KANK4: variants seen among roughly 807,000 people sequenced by gnomAD.
The protein encoded by KANK4 is KN motif and ankyrin repeat domains 4.
KANK4 carries 50 observed loss-of-function variants against 80.8 expected under a neutral mutation model. The ratio of observed to expected loss-of-function variants is 0.62; its 90% CI spans 0.49 to 0.78. The LOEUF (loss-of-function observed/expected upper bound fraction) is 0.78. Ranked by LOEUF, KANK4 falls within the 30% of genes least tolerant of loss-of-function variation. The pLI is 0.00. For missense variants in KANK4, 1,196 were observed against 1,240.1 expected (o/e 0.96, Z 0.53); for synonymous variants, 465 against 506.9 (o/e 0.92, Z 1.11).
rs1171760629 is a variant in KANK4 at position 62,274,872 on chromosome 1, T to A, written c.232A>T (p.Ser78Cys). 6.8e-6 allele frequency: 11 copies of A among 1,614,120 alleles called. No individual in the cohort carries two copies. The highest frequency in any genetic ancestry group is 9.3e-6 in the Non-Finnish European group (11 of 1,179,966). The change falls in exon 3 of 10, where the codon AGT becomes TGT. Residue 78 changes from serine (S) to cysteine (C), a missense_variant. Ser to Cys is a moderately radical substitution (Grantham distance 112). Coordinates refer to ENST00000371153, the MANE Select transcript of KANK4 (RefSeq NM_181712.5). ...TLPRNFSLPD[S>C]GARPPAAPPL... ...GGGGCTGCAGGGGGGCGAGCCCCACTGTCAGGAAGGCTGAAGTTTCGGGGC... is the reference window on the plus strand; with the variant it reads ...GGGGCTGCAGGGGGGCGAGCCCCACAGTCAGGAAGGCTGAAGTTTCGGGGC...
intron 1 of KANK4, among the ~76,000 whole-genome samples, chr1:62,284,107 C>T (rs1032140101): frequency 6.6e-6 from 1 of 152,126 alleles, no homozygotes; most frequent in Non-Finnish European, 1.5e-5. Context: ...GTCACCACTT[C>T]CAGCCCCGAC....
intron 9 of KANK4, among the ~76,000 whole-genome samples, chr1:62,240,291 C>A (rs1229921247): frequency 6.6e-6 from 1 of 152,138 alleles, no homozygotes; most frequent in African/African-American, 2.4e-5. Context: ...TTTCATGTGT[C>A]TTTTGGCTGC....
chr1:62,319,314 G>A lies in KANK4; in HGVS notation c.-279C>T, dbSNP rs534425939. ...GGCCGACGGTCTCGGCCCTGGCCCCGGCGCACCCCTGCGGGCACACCCACC... is the reference window on the plus strand; with the variant it reads ...GGCCGACGGTCTCGGCCCTGGCCCCAGCGCACCCCTGCGGGCACACCCACC... On this transcript the variant is annotated 5_prime_UTR_variant, in exon 1 of 10. Transcript: ENST00000371153. 5.9e-5 allele frequency: 9 copies of A among 151,982 alleles called. No homozygotes were observed. In the East Asian group the frequency reaches 1.4e-3, roughly 23 times the overall value. The allele number at this position is 151,982 out of a possible 1,614,324, so 9.4% of individuals were successfully genotyped here.
intron 1 of KANK4, 29 bp from the exon 2 acceptor site, chr1:62,281,663 G>T: frequency 1.5e-6 from 2 of 1,349,442 alleles, no homozygotes; most frequent in Non-Finnish European, 2.1e-6. Context: ...CAGAAGTGGT[G>T]AGTCTCATTA....
intron 2 of KANK4, among the ~76,000 whole-genome samples, chr1:62,275,899 G>A (rs1261471488): frequency 6.9e-6 from 1 of 145,688 alleles, no homozygotes; most frequent in Non-Finnish European, 1.5e-5. Flanking sequence ...GAAGGAAGGG[G>A]AAGGGGAAGG....
intron 1 of KANK4, among the ~76,000 whole-genome samples, chr1:62,313,919 C>G (rs1644518468): frequency 6.6e-6 from 1 of 152,120 alleles, no homozygotes; most frequent in Admixed American, 6.5e-5. Context: ...CCCATTCATA[C>G]TCAACGTCGT....
intron 1 of KANK4, among the ~76,000 whole-genome samples, chr1:62,311,663 T>C (rs1644499345): frequency 1.3e-5 from 2 of 152,212 alleles, no homozygotes; most frequent in African/African-American, 2.4e-5. Flanking sequence ...GGGATCATCA[T>C]TGCGCGCTAG....
chr1:62,249,329 A>G (rs1237736575), intron 8 of KANK4, among the ~76,000 whole-genome samples: 1 of 150,474 alleles, frequency 6.6e-6, no homozygotes, highest in Non-Finnish European at 1.5e-5. Context: ...TGTTATATAC[A>G]CTATATGTGT....
rs758660898 is a variant in KANK4 at position 62,274,843 on chromosome 1, G to C, written c.261C>G (p.Pro87=). 1 of 1,614,148 alleles carries C rather than the reference G, an allele frequency of 6.2e-7. No individual in the cohort carries two copies. Among genetic ancestry groups the C allele is most frequent in the East Asian group, 2.2e-5 (1 of 44,872 alleles). Residue 87 remains proline, a synonymous_variant, in exon 3 of 10, where the codon CCC becomes CCG. Coordinates refer to ENST00000371153, the MANE Select transcript of KANK4 (RefSeq NM_181712.5). ...DSGARPPAAP[P]LQNWSPVVPR... is the part of the protein sequence containing the mutation. The stretch of plus-strand genomic sequence containing the variant: ...GCACCACGGGAGACCAGTTTTGGAG[G>C]GGCGGGGCTGCAGGGGGGCGAGCCC...
Position 62,274,118 on chromosome 1 carries a change from T to A in KANK4, c.986A>T (p.Glu329Val). Residue 329 changes from glutamate (E) to valine (V), a missense_variant, in exon 3 of 10, where the codon GAG (glutamate) becomes GTG (valine). Glu to Val is a moderately radical substitution (Grantham distance 121). Coordinates refer to ENST00000371153, the MANE Select transcript of KANK4 (RefSeq NM_181712.5). ...DMRSIGIRVT[E>V]ESLGLARVDP... ...CACCCTGGCAAGGCCCAGGCTTTCC[T>A]CAGTTACCCTGATGCCAATGCTTCT... The A allele has an allele frequency of 6.2e-7, 1 of 1,614,098 alleles. No individual in the cohort carries two copies. The highest frequency in any genetic ancestry group is 8.5e-7 in the Non-Finnish European group (1 of 1,180,012).
intron 1 of KANK4, among the ~76,000 whole-genome samples, chr1:62,296,080 T>A (rs1242221457): frequency 6.6e-6 from 1 of 152,204 alleles, no homozygotes; most frequent in African/African-American, 2.4e-5. Flanking sequence ...GTTCAAAGAA[T>A]CAGCAGTTAA....
At chr1:62,288,007 C>T (rs1571024909) in intron 1 of KANK4, among the ~76,000 whole-genome samples, 1 of 152,308 alleles carries the variant, frequency 6.6e-6, no homozygotes, top group Non-Finnish European at 1.5e-5. Flanking sequence ...CCTTTCTAAA[C>T]TGGCTAGAGA....
intron 1 of KANK4, among the ~76,000 whole-genome samples, chr1:62,296,550 GT>G (rs1557504173): frequency 1.3e-5 from 2 of 152,038 alleles, no homozygotes; most frequent in African/African-American, 4.8e-5. Context: ...GGTTTTTTTG[GT>G]TTTTGTTTTT....
chr1:62,273,152 T>A, intron 3 of KANK4, 52 bp downstream of exon 3: 2 of 1,258,270 alleles, frequency 1.6e-6, no homozygotes, highest in Non-Finnish European at 2.2e-6. Context: ...TGCCTTATCA[T>A]GTGAAGGAGA....
Position 62,273,765 on chromosome 1 carries a change from GC to G in KANK4, c.1338del (p.His447ThrfsTer118). On this transcript the variant is annotated frameshift_variant, in exon 3 of 10. Coordinates refer to ENST00000371153, the MANE Select transcript of KANK4 (RefSeq NM_181712.5). LOFTEE classifies it high-confidence loss of function. ...LLGSMESESW[G>X]HRGEENGLLW... is the part of the protein sequence containing the mutation. ...AGGAGGCCATTCTCCTCTCCTCGGTGCCCCCAGCTTTCAGACTCCATGCTGC... is the reference window on the plus strand; with the variant it reads ...AGGAGGCCATTCTCCTCTCCTCGGTGCCCCAGCTTTCAGACTCCATGCTGC... 6.2e-7 allele frequency: 1 copy of G among 1,614,056 alleles called. No homozygotes were observed. Among genetic ancestry groups the G allele is most frequent in the Non-Finnish European group, 8.5e-7 (1 of 1,179,988 alleles).
At chr1:62,315,737 G>A (rs1007810129) in intron 1 of KANK4, among the ~76,000 whole-genome samples, 1 of 152,218 alleles carries the variant, frequency 6.6e-6, no homozygotes. Flanking sequence ...GTAACAGTGA[G>A]ATCCTGTCTC....
At chr1:62,255,644 T>C (rs1423580980) in intron 7 of KANK4, among the ~76,000 whole-genome samples, 2 of 152,098 alleles carry the variant, frequency 1.3e-5, no homozygotes, top group Non-Finnish European at 2.9e-5. Context: ...GTGAAATTTA[T>C]TGAGTTTATT....
At chr1:62,238,632 CTTT>C (rs199999610) in intron 9 of KANK4, among the ~76,000 whole-genome samples, 1 of 142,200 alleles carries the variant, frequency 7.0e-6, no homozygotes, top group African/African-American at 2.6e-5. Context: ...TTTTAATGCT[CTTT>C]TTTTTTTTTT....
intron 1 of KANK4, among the ~76,000 whole-genome samples, chr1:62,286,312 C>T (rs1672563834): frequency 6.6e-6 from 1 of 152,232 alleles, no homozygotes; most frequent in Non-Finnish European, 1.5e-5. Flanking sequence ...TTCAGCACAG[C>T]TGTGTCTGTT....
Sources: allele counts gnomAD v4.1 joint callset (sites outside exome capture counted in the v4.1 genomes callset), GRCh38; gene constraint gnomAD v4.1.1; transcripts MANE v1.5; gene names NCBI Gene and HGNC (gene_info 2026-07-23, HGNC 2026-07-21).